Variants in NRDC observed in about 807,000 individuals in gnomAD.
NRDC encodes nardilysin.
Under a neutral mutation model 147.1 loss-of-function variants are expected in NRDC, and 54 were observed. That is an observed-to-expected ratio of 0.37 (90% CI 0.29 to 0.46). The LOEUF is 0.46. NRDC is among the 20% of genes least tolerant of loss of function. The probability of loss-of-function intolerance (pLI) is 1.00; values close to 1 mark genes in which losing one functional copy is unlikely to be tolerated. For missense variants in NRDC, 1,082 were observed against 1,370.6 expected, an observed-to-expected ratio of 0.79 and a Z score of 3.33; for synonymous variants, 440 against 482.1, an observed-to-expected ratio of 0.91 and a Z score of 1.14.
At chr1:51,825,453 TACAGA>T in intron 5 of NRDC, 71 bp from the exon 6 acceptor site, 1 of 1,173,112 alleles carries the variant, frequency 8.5e-7, no homozygotes. Flanking sequence ...AATTCAAACT[TACAGA>T]ACAGAAAGCA....
At chr1:51,866,747 A>C (rs1403253855) in intron 1 of NRDC, among the ~76,000 whole-genome samples, 1 of 152,134 alleles carries the variant, frequency 6.6e-6, no homozygotes, top group Non-Finnish European at 1.5e-5. Flanking sequence ...TATTTCTATA[A>C]TGCTTTAAAA....
At position 51,878,714 on chromosome 1, in the gene NRDC, C is replaced by T. The variant is rs1683458362; in HGVS notation, c.-99G>A. On this transcript the variant is annotated 5_prime_UTR_variant, in exon 1 of 31. Transcript: ENST00000352171. ...GCCGGCCCTGGTGCTGCCGCAGCCG[C>T]GGGGAACAGGCCTGAACCCCTCCCC... The T allele has an allele frequency of 9.1e-7, 1 of 1,097,832 alleles. No individual in the cohort carries two copies. The highest frequency in any genetic ancestry group is 1.5e-5 in the South Asian group (1 of 66,986). The allele number at this position is 1,097,832 out of a possible 1,614,324, so 68.0% of individuals were successfully genotyped here.
chr1:51,854,673 C>G (rs1216425148), intron 1 of NRDC, among the ~76,000 whole-genome samples: 1 of 152,212 alleles, frequency 6.6e-6, no homozygotes, highest in Non-Finnish European at 1.5e-5. Flanking sequence ...CCTGTAATCC[C>G]AACTCTTTGG....
chr1:51,875,398 T>C (rs1031256338), intron 1 of NRDC, among the ~76,000 whole-genome samples: 1 of 152,222 alleles, frequency 6.6e-6, no homozygotes, highest in Non-Finnish European at 1.5e-5. Flanking sequence ...AAAAGCCATA[T>C]AAAGACAAAA....
chr1:51,791,756 T>C, intron 26 of NRDC, 95 bp from the exon 27 acceptor site: 1 of 1,020,510 alleles, frequency 9.8e-7, no homozygotes, highest in South Asian at 1.4e-5. Flanking sequence ...TTTCTGCCCA[T>C]CCTTATTGGA....
intron 17 of NRDC, among the ~76,000 whole-genome samples, chr1:51,807,796 C>CTTT (rs35756457): frequency 7.8e-6 from 1 of 127,478 alleles, no homozygotes; most frequent in African/African-American, 3.1e-5. Flanking sequence ...ATAATTAATA[C>CTTT]TTTTTTTTTT....
Position 51,790,902 on chromosome 1 carries a change from G to A in NRDC, c.3049C>T (p.Gln1017Ter). 1 of 1,612,006 alleles carries A rather than the reference G, an allele frequency of 6.2e-7. No individual in the cohort carries two copies. The highest frequency in any genetic ancestry group is 8.5e-7 in the Non-Finnish European group (1 of 1,178,312). ...ENLTEEAFNT[Q>*]VTALIKLKEC... is the part of the protein sequence containing the mutation. The stretch of plus-strand genomic sequence containing the variant: ...AAAGACCAGGCTGGCACAGTCACCT[G>A]GGTGTTGAATGCCTCTTCAGTGAGG... Residue 1017 changes from glutamine to a stop codon, truncating the protein, a stop_gained and splice_region_variant, in exon 28 of 31, where the codon CAG (glutamine) becomes TAG (stop). Transcript: ENST00000352171. LOFTEE classifies it high-confidence loss of function.
intron 1 of NRDC, 114 bp downstream of exon 1, chr1:51,878,161 G>T (rs1571936018): frequency 1.4e-6 from 2 of 1,433,898 alleles, no homozygotes; most frequent in African/African-American, 1.4e-5. Context: ...AGCATTTGGG[G>T]TGGAAAGTGT....
intron 1 of NRDC, among the ~76,000 whole-genome samples, chr1:51,842,427 T>C (rs1681316620): frequency 6.6e-6 from 1 of 152,102 alleles, no homozygotes; most frequent in Non-Finnish European, 1.5e-5. Context: ...AAGTCTAAGC[T>C]TCAGATCAAT....
intron 1 of NRDC, among the ~76,000 whole-genome samples, chr1:51,863,554 G>A (rs1167219098): frequency 6.6e-6 from 1 of 152,108 alleles, no homozygotes; most frequent in Non-Finnish European, 1.5e-5. Flanking sequence ...TATACTTCCT[G>A]TGCTATAAAA....
chr1:51,813,421 C>T (rs919993882), intron 14 of NRDC, among the ~76,000 whole-genome samples: 2 of 152,144 alleles, frequency 1.3e-5, no homozygotes, highest in African/African-American at 4.8e-5. Flanking sequence ...TAAGGTCACA[C>T]AGTGAGTAAA....
Position 51,794,773 on chromosome 1 carries a change from C to T in NRDC, c.2636+50G>A, listed in dbSNP as rs187362892. The T allele has an allele frequency of 5.0e-5, 81 of 1,608,166 alleles. No individual in the cohort carries two copies. The East Asian group carries it at 1.8e-3, about 35-fold the overall frequency. On this transcript the variant is annotated intron_variant, in intron 23 of 30. Transcript: ENST00000352171. Reference sequence around the variant, plus strand: ...ATTAACTGAATTGTGGCTCCATGCCCTCTCGCTGGTAAGAACACATAACCC... The same window carrying T: ...ATTAACTGAATTGTGGCTCCATGCCTTCTCGCTGGTAAGAACACATAACCC...
chr1:51,816,376 G>T lies in NRDC; in HGVS notation c.1375C>A (p.His459Asn), dbSNP rs772799684. 6.3e-7 allele frequency: 1 copy of T among 1,597,688 alleles called. No individual in the cohort carries two copies. Among genetic ancestry groups the T allele is most frequent in the Non-Finnish European group, 8.5e-7 (1 of 1,171,662 alleles). Residue 459 changes from histidine to asparagine, a missense_variant, in exon 11 of 31, where the codon CAT (histidine) becomes AAT (asparagine). Transcript: ENST00000352171. ...QQQHYRVKPL[H>N]YISWLVGHEG... ...TGTCCAACCAGCCAGGATATATAAT[G>T]AAGTGGCTTCACCCTTTTAAAAAAA... is the stretch of plus-strand genomic sequence containing the variant.
intron 22 of NRDC, chr1:51,798,024 C>T (rs144400555): frequency 0.016 from 7,479 of 478,100 alleles, 87 homozygotes; most frequent in Admixed American, 0.019. Context: ...TCTGCCTTGG[C>T]CTCCCAAAAT....
chr1:51,870,913 A>C lies in NRDC; in HGVS notation c.341+7362T>G, dbSNP rs542845810. On this transcript the variant is annotated intron_variant, in intron 1 of 30. Transcript: ENST00000352171. ...CTCAAGCAAGACATGCTCACCTCTT[A>C]TTCATCTTGAAAAAAACTCTCTCTT... 2.6e-5 allele frequency among the ~76,000 whole-genome samples: 4 copies of C among 151,756 alleles called. 1 individual carries two copies. In the South Asian group the frequency reaches 8.4e-4, roughly 32 times the overall value.
intron 1 of NRDC, among the ~76,000 whole-genome samples, chr1:51,853,659 T>C (rs945821605): frequency 1.1e-4 from 16 of 152,326 alleles, no homozygotes; most frequent in Non-Finnish European, 1.9e-4. Context: ...AAAGAATTAA[T>C]TCATTGGCTC....
In NRDC at chr1:51,789,641, G is replaced by T; in HGVS notation, c.3185C>A (p.Ser1062Ter). 1.2e-6 allele frequency: 2 copies of T among 1,612,718 alleles called. No individual in the cohort carries two copies. Among genetic ancestry groups the T allele is most frequent in the South Asian group, 2.2e-5 (2 of 91,010 alleles). Residue 1062 changes from serine to a stop codon, truncating the protein, a stop_gained, in exon 30 of 31, where the codon TCA becomes TAA. Transcript: ENST00000352171. LOFTEE classifies it high-confidence loss of function. ...GTTGACCAGGTCTGATTTTGAGAAT[G>T]ACTTCAGTGCTTCAATCTTACAAGG... is the stretch of plus-strand genomic sequence containing the variant. ...RLAHEIEALK[S>*]FSKSDLVNWF...
intron 1 of NRDC, among the ~76,000 whole-genome samples, chr1:51,853,622 C>G (rs184419361): frequency 2.4e-4 from 37 of 152,302 alleles, no homozygotes; most frequent in Admixed American, 9.1e-4. Flanking sequence ...GCTAAGGAAA[C>G]TTCAGCAGCA....
In NRDC at chr1:51,806,816, G is replaced by A. The variant is rs373991947; in HGVS notation, c.2088C>T (p.Asp696=). 1 of 1,613,464 alleles carries A rather than the reference G, an allele frequency of 6.2e-7. No homozygotes were observed. Among genetic ancestry groups the A allele is most frequent in the African/African-American group, 1.3e-5 (1 of 74,912 alleles). The change falls in exon 18 of 31, where the codon GAC becomes GAT. Residue 696 remains aspartate, a synonymous_variant. Coordinates refer to ENST00000352171, the MANE Select transcript of NRDC (RefSeq NM_001101662.2). ...TPQGCLWYKK[D]NKFKIPKAYI... ...TACCTTTGGGGATTTTGAATTTGTTGTCTTTCTTATACCACAGGCAACCTT... is the reference window on the plus strand; with the variant it reads ...TACCTTTGGGGATTTTGAATTTGTTATCTTTCTTATACCACAGGCAACCTT...
Sources: gnomAD v4.1 joint callset for allele counts (sites outside exome capture counted in the v4.1 genomes callset) on GRCh38, gnomAD v4.1.1 for gene constraint, MANE v1.5 for transcripts, NCBI Gene and HGNC (gene_info 2026-07-23, HGNC 2026-07-21) for gene names.